AGRN: variants seen among roughly 807,000 people sequenced by gnomAD.
AGRN encodes the protein agrin proteoglycan.
A neutral mutation model predicts 211.0 loss-of-function variants in AGRN; 106 were observed. The observed-to-expected ratio is 0.50, with a 90% CI of 0.43 to 0.59. The LOEUF is 0.59. Ranked by LOEUF, AGRN falls within the 20% of genes least tolerant of loss-of-function variation. The pLI, the probability that AGRN is intolerant of heterozygous loss-of-function variation, is 0.00. For synonymous variants in AGRN, 1,525 were observed against 1,332.5 expected (o/e 1.14, Z -3.15); for missense variants, 3,040 against 2,982.6 (o/e 1.02, Z -0.45).
At position 1,046,627 on chromosome 1, in the gene AGRN, C is replaced by G; in HGVS notation, c.3142C>G (p.Pro1048Ala). Reference sequence around the variant, plus strand: ...GACGGTGCCCCCCACGGCACCCTCCCCTGCACCCAGCCTGGTGGCGTCCGC... The same window carrying G: ...GACGGTGCCCCCCACGGCACCCTCCGCTGCACCCAGCCTGGTGGCGTCCGC... ...VLTVPPTAPS[P>A]APSLVASAFG... The change falls in exon 18 of 36, where the codon CCT (proline) becomes GCT (alanine). Residue 1048 changes from proline (P) to alanine (A), a missense_variant. Coordinates refer to ENST00000379370, the MANE Select transcript of AGRN (RefSeq NM_198576.4). The G allele has an allele frequency of 6.2e-7, 1 of 1,601,914 alleles. No individual in the cohort carries two copies. Among genetic ancestry groups the G allele is most frequent in the Non-Finnish European group, 8.5e-7 (1 of 1,179,014 alleles).
intron 3 of AGRN, among the ~76,000 whole-genome samples, chr1:1,039,667 G>T (rs1186199482): frequency 6.6e-6 from 1 of 152,154 alleles, no homozygotes; most frequent in Non-Finnish European, 1.5e-5. Flanking sequence ...TTGAGGTCTG[G>T]TGATGGGACG....
chr1:1,051,218 G>A, intron 30 of AGRN, 35 bp from the exon 31 acceptor site: 2 of 1,567,792 alleles, frequency 1.3e-6, no homozygotes, highest in Admixed American at 1.9e-5. Flanking sequence ...ACCGTGGGTG[G>A]GCTCTGCACA....
In AGRN at chr1:1,055,220, T is replaced by A. The variant is rs2100705641; in HGVS notation, c.*239T>A. 1.6e-6 allele frequency: 1 copy of A among 630,438 alleles called. No individual in the cohort carries two copies. The highest frequency in any genetic ancestry group is 3.1e-5 in the East Asian group (1 of 32,696). The allele number at this position is 630,438 out of a possible 1,614,324, so 39.1% of individuals were successfully genotyped here. ...GACACACACCCCTGCCTCAAGGTGC[T>A]GAGCCCCCGCCTTGCACTGCGCCTG... On this transcript the variant is annotated 3_prime_UTR_variant, in exon 36 of 36. Coordinates refer to ENST00000379370, the MANE Select transcript of AGRN (RefSeq NM_198576.4).
At position 1,041,384 on chromosome 1, in the gene AGRN, C is replaced by G. The variant is rs745929520; in HGVS notation, c.939C>G (p.Phe313Leu). Residue 313 changes from phenylalanine (F) to leucine (L), a missense_variant, in exon 5 of 36, where the codon TTC becomes TTG. Transcript: ENST00000379370. ...GCCAGGAGAATGTCTTCAAGAAGTT[C>G]GACGGCCCTTGTGGTGAGCGCGGCG... Reference protein sequence around the residue: ...CARQENVFKKFDGPCDPCQGA... With the variant: ...CARQENVFKKLDGPCDPCQGA... The G allele has an allele frequency of 2.1e-5, 33 of 1,542,020 alleles. 1 individual carries two copies. Among genetic ancestry groups the G allele is most frequent in the South Asian group, 1.5e-4 (13 of 84,776 alleles).
intron 3 of AGRN, among the ~76,000 whole-genome samples, chr1:1,038,039 C>T (rs1315961580): frequency 1.3e-5 from 2 of 152,124 alleles, no homozygotes; most frequent in East Asian, 1.9e-4. Context: ...TCCCGGAGGC[C>T]GTGATTCCTG....
At chr1:1,039,234 A>G (rs1644870343) in intron 3 of AGRN, among the ~76,000 whole-genome samples, 1 of 151,448 alleles carries the variant, frequency 6.6e-6, no homozygotes, top group South Asian at 2.1e-4. Context: ...GGGGAGGAAG[A>G]CAGGGATCTG....
In AGRN at chr1:1,051,764, T is replaced by G. The variant is rs764880343; in HGVS notation, c.5600T>G (p.Leu1867Trp). ...AAGTCAGCGGGGGACGTGGATACCT[T>G]GGCCTTTGACGGGCGGACCTTTGTC... is the stretch of plus-strand genomic sequence containing the variant. ...VEKSAGDVDTLAFDGRTFVEY... is the reference protein window; with the variant it reads ...VEKSAGDVDTWAFDGRTFVEY... The change falls in exon 33 of 36, where the codon TTG becomes TGG. Residue 1867 changes from leucine to tryptophan, a missense_variant. By Grantham distance (61) the Leu-to-Trp change is moderately conservative. Transcript: ENST00000379370. 6.2e-7 allele frequency: 1 copy of G among 1,613,880 alleles called. No homozygotes were observed. Among genetic ancestry groups the G allele is most frequent in the Non-Finnish European group, 8.5e-7 (1 of 1,179,972 alleles).
In AGRN at chr1:1,034,377, G is replaced by A. The variant is rs1000722658; in HGVS notation, c.464-900G>A. The A allele has an allele frequency of 9.1e-6, 9 of 985,430 alleles. No individual in the cohort carries two copies. The African/African-American group carries it at 1.4e-4, about 15-fold the overall frequency. The allele number at this position is 985,430 out of a possible 1,614,324, so 61.0% of individuals were successfully genotyped here. ...GCCCTCCTCCCACGATGAGCCTGGA[G>A]GACTGGAGCCGGGACCTGGCACCCC... On this transcript the variant is annotated intron_variant, in intron 2 of 35. Coordinates refer to ENST00000379370, the MANE Select transcript of AGRN (RefSeq NM_198576.4).
At chr1:1,023,551 C>T (rs150006517) in intron 2 of AGRN, among the ~76,000 whole-genome samples, 4 of 152,120 alleles carry the variant, frequency 2.6e-5, no homozygotes, top group African/African-American at 7.2e-5. Context: ...ATGGGGGCAT[C>T]GTGGACTCAG....
At chr1:1,022,116 A>T (rs1297671867) in intron 1 of AGRN, 85 bp from the exon 2 acceptor site, 9 of 1,537,966 alleles carry the variant, frequency 5.9e-6, no homozygotes, top group Non-Finnish European at 8.1e-6. Context: ...TCTACTGTGG[A>T]CATTTGCCCT....
chr1:1,035,485 C>T (rs147078859), intron 3 of AGRN, among the ~76,000 whole-genome samples, 161 bp downstream of exon 3: 3 of 152,240 alleles, frequency 2.0e-5, no homozygotes, highest in East Asian at 1.9e-4. Flanking sequence ...AGCGGTGGGC[C>T]GCAGTAGGAA....
chr1:1,046,381 C>T lies in AGRN; in HGVS notation c.2912-16C>T. On this transcript the variant is annotated splice_polypyrimidine_tract_variant and intron_variant, in intron 17 of 35. Transcript: ENST00000379370. ...TGTCCCAACCGGTCCCCCCGCCAACCTCCCTCTCCTTGCAGAGGCTGTTGC... is the reference window on the plus strand; with the variant it reads ...TGTCCCAACCGGTCCCCCCGCCAACTTCCCTCTCCTTGCAGAGGCTGTTGC... The T allele has an allele frequency of 1.2e-6, 2 of 1,609,824 alleles. No homozygotes were observed. Among genetic ancestry groups the T allele is most frequent in the Non-Finnish European group, 1.7e-6 (2 of 1,178,180 alleles).
chr1:1,054,081 G>A lies in AGRN; in HGVS notation c.5876+104G>A, dbSNP rs9778201. The stretch of plus-strand genomic sequence containing the variant: ...TGTGACCAGGGGTCAGGGAGGACAC[G>A]CCTTGCTGCCTGAGCCGAGGTCACT... On this transcript the variant is annotated intron_variant, in intron 34 of 35. Coordinates refer to ENST00000379370, the MANE Select transcript of AGRN (RefSeq NM_198576.4). 21,992 of 1,254,052 alleles carry A rather than the reference G, an allele frequency of 0.018. 852 individuals carry two copies. The highest frequency in any genetic ancestry group is 0.14 in the African/African-American group (9,476 of 67,206). The allele number at this position is 1,254,052 out of a possible 1,614,324, so 77.7% of individuals were successfully genotyped here.
intron 2 of AGRN, chr1:1,034,858 G>A: frequency 7.6e-6 from 3 of 394,426 alleles, no homozygotes; most frequent in South Asian, 5.2e-5. Flanking sequence ...CCTGGAGGCC[G>A]TCCTTGGGCT....
intron 2 of AGRN, among the ~76,000 whole-genome samples, chr1:1,033,607 G>A (rs1644724021): frequency 7.0e-6 from 1 of 142,940 alleles, no homozygotes; most frequent in Non-Finnish European, 1.5e-5. Context: ...CCAGTTGAAC[G>A]CCCGCAGCCT....
chr1:1,046,121 A>G (rs766532377), intron 16 of AGRN, 33 bp downstream of exon 16: 4 of 1,613,920 alleles, frequency 2.5e-6, no homozygotes, highest in Non-Finnish European at 3.4e-6. Flanking sequence ...GGGAGTGGGG[A>G]GGAGGCCTCG....
intron 3 of AGRN, among the ~76,000 whole-genome samples, chr1:1,038,916 A>G (rs2488996): frequency 0.88 from 134,062 of 152,074 alleles, 59,631 homozygotes; most frequent in East Asian, 1. Context: ...TTTGAGTTTG[A>G]TTTGAGCCAG....
At chr1:1,041,778 GGCCA>G (rs1644947758) in intron 6 of AGRN, 76 bp downstream of exon 6, 5 of 730,812 alleles carry the variant, frequency 6.8e-6, no homozygotes, top group Middle Eastern at 9.9e-4. Context: ...GGAGGGCTCC[GGCCA>G]GTGCCAGGGT....
At chr1:1,040,621 A>G in intron 3 of AGRN, 44 bp from the exon 4 acceptor site, 6 of 1,536,792 alleles carry the variant, frequency 3.9e-6, no homozygotes, top group Non-Finnish European at 5.3e-6. Flanking sequence ...GGACGTGGGT[A>G]CGGGCGTCTC....
Sources: allele counts gnomAD v4.1 joint callset (sites outside exome capture counted in the v4.1 genomes callset), GRCh38; gene constraint gnomAD v4.1.1; transcripts MANE v1.5; gene names NCBI Gene and HGNC (gene_info 2026-07-23, HGNC 2026-07-21).